ATP8A2: variants seen among roughly 807,000 people sequenced by gnomAD.
ATP8A2 encodes the protein ATPase phospholipid transporting 8A2, also known as phospholipid-transporting ATPase IB.
Under a neutral mutation model 165.6 loss-of-function variants are expected in ATP8A2, and 100 were observed. The ratio of observed to expected loss-of-function variants is 0.60; its 90% confidence interval spans 0.51 to 0.71. ATP8A2 has a LOEUF of 0.71. ATP8A2 is among the 30% of genes least tolerant of loss of function. The pLI, the probability that ATP8A2 is intolerant of heterozygous loss-of-function variation, is 0.00. For missense variants in ATP8A2, 1,227 were observed against 1,479.5 expected, an observed-to-expected ratio of 0.83 and a Z score of 2.80; for synonymous variants, 543 against 548.8, an observed-to-expected ratio of 0.99 and a Z score of 0.15.
At chr13:25,745,004 G>C (rs1003391048) in intron 25 of ATP8A2, among the ~76,000 whole-genome samples, 5 of 152,012 alleles carry the variant, frequency 3.3e-5, no homozygotes, top group Non-Finnish European at 7.4e-5. Context: ...GCAGTGGCAC[G>C]ATCTTGGCTC....
rs191861328 is a variant in ATP8A2 at position 25,928,618 on chromosome 13, A to G, written c.3184-32957A>G. On this transcript the variant is annotated intron_variant, in intron 33 of 36. Coordinates refer to ENST00000381655, the MANE Select transcript of ATP8A2 (RefSeq NM_016529.6). ...AGAAGTGGTGTTTCAATAATAGAAC[A>G]GTTGTAGGATTCCTGTGCCGTGGTA... 1.4e-3 allele frequency among the ~76,000 whole-genome samples: 212 copies of G among 152,330 alleles called. 1 individual carries two copies. The highest frequency in any genetic ancestry group is 4.9e-3 in the African/African-American group (205 of 41,578).
intron 2 of ATP8A2, among the ~76,000 whole-genome samples, chr13:25,520,663 C>T (rs949188538): frequency 5.4e-5 from 8 of 149,310 alleles, no homozygotes; most frequent in South Asian, 2.1e-4. Flanking sequence ...TGCAGTGGCA[C>T]GATCTTGGCT....
intron 1 of ATP8A2, among the ~76,000 whole-genome samples, chr13:25,394,716 A>T (rs116519543): frequency 0.015 from 2,276 of 152,354 alleles, 57 homozygotes; most frequent in African/African-American, 0.052. Context: ...AAGGAAAAAA[A>T]AAGGCTTACT....
chr13:25,857,995 T>C (rs1312633654), intron 30 of ATP8A2, among the ~76,000 whole-genome samples: 1 of 152,164 alleles, frequency 6.6e-6, no homozygotes, highest in African/African-American at 2.4e-5. Flanking sequence ...CTCTTCCCGG[T>C]TTTCATAATA....
intron 2 of ATP8A2, among the ~76,000 whole-genome samples, chr13:25,472,729 C>A (rs1326280286): frequency 6.6e-6 from 1 of 152,116 alleles, no homozygotes; most frequent in Non-Finnish European, 1.5e-5. Flanking sequence ...AAAGAAGGGA[C>A]CACATGGGAT....
At chr13:25,430,895 G>C (rs927681565) in intron 1 of ATP8A2, among the ~76,000 whole-genome samples, 1 of 152,124 alleles carries the variant, frequency 6.6e-6, no homozygotes, top group Non-Finnish European at 1.5e-5. Flanking sequence ...ACCACACCCT[G>C]CCAAGGTAGT....
chr13:25,943,326 TAAC>T (rs762387213), intron 33 of ATP8A2, among the ~76,000 whole-genome samples: 43 of 152,332 alleles, frequency 2.8e-4, no homozygotes, highest in Non-Finnish European at 5.0e-4. Context: ...ATGCACGATG[TAAC>T]AACGTTTCAG....
At chr13:25,526,591 A>C (rs968973652) in intron 2 of ATP8A2, among the ~76,000 whole-genome samples, 3 of 152,140 alleles carry the variant, frequency 2.0e-5, no homozygotes, top group African/African-American at 7.2e-5. Context: ...GTCCATCCCA[A>C]ATGGAAATGG....
At chr13:25,945,243 G>A (rs1355036123) in intron 33 of ATP8A2, among the ~76,000 whole-genome samples, 1 of 152,168 alleles carries the variant, frequency 6.6e-6, no homozygotes, top group African/African-American at 2.4e-5. Context: ...TGTGTGAATC[G>A]TTAGCCTGCA....
At chr13:25,571,277 A>G (rs2039460343) in intron 17 of ATP8A2, among the ~76,000 whole-genome samples, 1 of 152,126 alleles carries the variant, frequency 6.6e-6, no homozygotes, top group Non-Finnish European at 1.5e-5. Context: ...CAACTAAAAT[A>G]CTGCCTTGCT....
intron 6 of ATP8A2, among the ~76,000 whole-genome samples, chr13:25,535,180 G>A (rs1033070274): frequency 6.6e-6 from 1 of 152,192 alleles, no homozygotes; most frequent in African/African-American, 2.4e-5. Flanking sequence ...TTCAATGTGA[G>A]GATGAGAATA....
chr13:25,693,884 G>A lies in ATP8A2; in HGVS notation c.2212-5289G>A, dbSNP rs554481093. On this transcript the variant is annotated intron_variant, in intron 24 of 36. Coordinates refer to ENST00000381655, the MANE Select transcript of ATP8A2 (RefSeq NM_016529.6). The stretch of plus-strand genomic sequence containing the variant: ...TTTGGGTTTTTGTTGTTGTTGTCTG[G>A]AGATGGAGTCTTGCTCTGTTGCCCA... Among the ~76,000 whole-genome samples, 252 of 151,668 alleles carry A rather than the reference G, an allele frequency of 1.7e-3. 1 individual carries two copies. The highest frequency in any genetic ancestry group is 5.9e-3 in the African/African-American group (243 of 41,330).
rs1482816244 is a variant in ATP8A2, at chr13:25,769,112, C to A, written c.2451C>A (p.Leu817=). The change falls in exon 26 of 37, where the codon CTC becomes CTA. Residue 817 remains leucine, a synonymous_variant. Transcript: ENST00000381655. ...AGAAGCGGGTGAAGGCCATCACCCT[C>A]GCCATCGGAGACGGCGCCAACGATG... The part of the protein sequence containing the change: ...VVKKRVKAIT[L]AIGDGANDVG... 1 of 1,614,180 alleles carries A rather than the reference C, an allele frequency of 6.2e-7. No individual in the cohort carries two copies. The highest frequency in any genetic ancestry group is 2.2e-5 in the East Asian group (1 of 44,874).
intron 27 of ATP8A2, among the ~76,000 whole-genome samples, chr13:25,801,662 G>A (rs1487437285): frequency 6.6e-6 from 1 of 152,124 alleles, no homozygotes. Context: ...TGAAGTTGTT[G>A]GGTGTGAACA....
At chr13:25,675,636 G>A (rs17082631) in intron 24 of ATP8A2, among the ~76,000 whole-genome samples, 4,558 of 152,278 alleles carry the variant, frequency 0.03, 124 homozygotes, top group East Asian at 0.13. Context: ...AGCAAGACAA[G>A]AATATCATGT....
chr13:25,991,490 G>T (rs1956392924), intron 35 of ATP8A2, among the ~76,000 whole-genome samples: 1 of 152,096 alleles, frequency 6.6e-6, no homozygotes, highest in East Asian at 1.9e-4. Flanking sequence ...TGCTTTTATA[G>T]GTACCCCTAC....
At chr13:25,556,646 A>G (rs947372630) in intron 13 of ATP8A2, among the ~76,000 whole-genome samples, 7 of 152,012 alleles carry the variant, frequency 4.6e-5, no homozygotes, top group African/African-American at 7.2e-5. Context: ...ATTTTTGAGG[A>G]CTAACCTCTT....
At chr13:25,851,506 C>T (rs544001838) in intron 30 of ATP8A2, among the ~76,000 whole-genome samples, 2 of 151,630 alleles carry the variant, frequency 1.3e-5, no homozygotes, top group Non-Finnish European at 2.9e-5. Flanking sequence ...TCGCTTGAAC[C>T]CAGGAGGCAG....
At chr13:25,669,700 A>G (rs1467017843) in intron 24 of ATP8A2, among the ~76,000 whole-genome samples, 1 of 152,014 alleles carries the variant, frequency 6.6e-6, no homozygotes, top group Non-Finnish European at 1.5e-5. Flanking sequence ...TATTCCCTCT[A>G]GAAACTTCCT....
Sources: allele counts gnomAD v4.1 joint callset (sites outside exome capture counted in the v4.1 genomes callset), GRCh38; gene constraint gnomAD v4.1.1; transcripts MANE v1.5; gene names NCBI Gene and HGNC (gene_info 2026-07-23, HGNC 2026-07-21).